Variants in HPS4 observed in about 807,000 individuals in gnomAD.
The protein encoded by HPS4 is HPS4 biogenesis of lysosomal organelles complex 3 subunit 2.
Under a neutral mutation model 70.3 loss-of-function variants are expected in HPS4, and 44 were observed. The ratio of observed to expected loss-of-function variants is 0.63; its 90% CI spans 0.49 to 0.80. HPS4 has a LOEUF of 0.80. Among genes scored for constraint, HPS4 ranks in the 30% least tolerant of loss-of-function variants. The pLI, the probability that HPS4 is intolerant of heterozygous loss-of-function variation, is 0.00. For synonymous variants in HPS4, 377 were observed against 355.9 expected, an observed-to-expected ratio of 1.06 and a Z score of -0.67; for missense variants, 873 against 884.4, an observed-to-expected ratio of 0.99 and a Z score of 0.16.
At chr22:26,457,740 G>A in intron 13 of HPS4, 119 bp downstream of exon 13, 2 of 761,368 alleles carry the variant, frequency 2.6e-6, no homozygotes, top group Non-Finnish European at 2.3e-6. Context: ...AAGGCCTTAA[G>A]GAGAGTAACT....
chr22:26,477,250 A>G, intron 3 of HPS4, 114 bp from the exon 4 acceptor site: 7 of 1,055,800 alleles, frequency 6.6e-6, no homozygotes, highest in South Asian at 5.2e-5. Context: ...CCGTTTTCCT[A>G]TGGCCTGTAA....
At chr22:26,462,048 C>A (rs891823671) in intron 11 of HPS4, among the ~76,000 whole-genome samples, 1 of 151,606 alleles carries the variant, frequency 6.6e-6, no homozygotes, top group African/African-American at 2.4e-5. Context: ...ACCGCTTGAA[C>A]CGGGGAGGCG....
At chr22:26,479,720 T>G in intron 2 of HPS4, 1 of 1,070,094 alleles carries the variant, frequency 9.3e-7, no homozygotes, top group Non-Finnish European at 1.1e-6. Flanking sequence ...CAAAATAAGT[T>G]AGGGATGTAT....
chr22:26,464,605 T>C lies in HPS4; in HGVS notation c.1025A>G (p.His342Arg). The change falls in exon 11 of 14, where the codon CAC (histidine) becomes CGC (arginine). Residue 342 changes from histidine to arginine, a missense_variant. Transcript: ENST00000398145. Reference sequence around the variant, plus strand: ...AAGAACCTCACCCCTGGCAGAGTTGTGCAGTCCTGCGGGCCTGATGCTCTC... The same window carrying C: ...AAGAACCTCACCCCTGGCAGAGTTGCGCAGTCCTGCGGGCCTGATGCTCTC... ...DLESIRPAGL[H>R]NSARGEVLGL... The C allele has an allele frequency of 3.1e-6, 5 of 1,614,212 alleles. No individual in the cohort carries two copies. The highest frequency in any genetic ancestry group is 4.2e-6 in the Non-Finnish European group (5 of 1,180,038).
In HPS4 at chr22:26,452,452, G is replaced by C. The variant is rs1329956666; in HGVS notation, c.*781C>G. The C allele has an allele frequency of 2.3e-6, 1 of 442,826 alleles. No homozygotes were observed. Among genetic ancestry groups the C allele is most frequent in the Non-Finnish European group, 4.5e-6 (1 of 221,308 alleles). 27.4% of individuals were successfully genotyped at this position (442,826 alleles called of 1,614,324 possible). On this transcript the variant is annotated 3_prime_UTR_variant, in exon 14 of 14. Transcript: ENST00000398145. ...CAGACATCTTGTAAACTCCTATTTA[G>C]GGACACTCGCTCGAGAGGAACCAGC...
At chr22:26,445,034 C>T (rs1310120038) in intron 3 of HPS4, 1 of 152,176 alleles carries the variant, frequency 6.6e-6, no homozygotes, top group Admixed American at 6.6e-5. Flanking sequence ...GTGAGGTCAT[C>T]TGTTGTAAAG....
chr22:26,464,406 G>A lies in HPS4; in HGVS notation c.1224C>T (p.Ala408=), dbSNP rs1460837594. Residue 408 remains alanine (A), a synonymous_variant, in exon 11 of 14, where the codon GCC becomes GCT. Transcript: ENST00000398145. ...GAGGCGTGGGTTCCAGGCTGCTGGA[G>A]GCGCTGAGAGATGCCTTGCAGTAAG... The part of the protein sequence containing the change: ...RAPYCKASLS[A]SSSLEPTPPE... 6.2e-7 allele frequency: 1 copy of A among 1,614,230 alleles called. No individual in the cohort carries two copies. Among genetic ancestry groups the A allele is most frequent in the Admixed American group, 1.7e-5 (1 of 60,036 alleles).
chr22:26,447,594 G>A (rs2084997113), downstream of HPS4, among the ~76,000 whole-genome samples: 1 of 152,136 alleles, frequency 6.6e-6, no homozygotes, highest in Non-Finnish European at 1.5e-5. Context: ...AGCACAGAAT[G>A]AGGTTTTTGA....
intron 13 of HPS4, among the ~76,000 whole-genome samples, chr22:26,455,964 C>T (rs939247550): frequency 6.6e-6 from 1 of 152,172 alleles, no homozygotes; most frequent in Non-Finnish European, 1.5e-5. Context: ...AGCCAGTTCC[C>T]AAACCAGTGA....
intron 7 of HPS4, 24 bp downstream of exon 7, chr22:26,470,695 A>C: frequency 6.2e-7 from 1 of 1,609,850 alleles, no homozygotes; most frequent in Non-Finnish European, 8.5e-7. Context: ...TGGGGCTGGA[A>C]GAAAGGGGTC....
rs536866354 is a variant in HPS4 at position 26,452,705 on chromosome 22, G to C, written c.*528C>G. 8.0e-6 allele frequency: 2 copies of C among 249,348 alleles called. No individual in the cohort carries two copies. The highest frequency in any genetic ancestry group is 2.3e-5 in the African/African-American group (1 of 44,108). The allele number at this position is 249,348 out of a possible 1,614,324, so 15.4% of individuals were successfully genotyped here. ...TCCGTGTGCTGCCGCTTCCCTGCAG[G>C]AACGATCCGGACCTCCCAGCAAGAG... On this transcript the variant is annotated 3_prime_UTR_variant, in exon 14 of 14. Transcript: ENST00000398145.
intron 6 of HPS4, chr22:26,471,320 T>A: frequency 2.2e-6 from 1 of 455,122 alleles, no homozygotes; most frequent in Non-Finnish European, 4.4e-6. Flanking sequence ...GAAAACATCA[T>A]GCTCTTTCAC....
intron 9 of HPS4, 191 bp from the exon 10 acceptor site, chr22:26,465,742 C>A: frequency 1.6e-6 from 1 of 608,182 alleles, no homozygotes; most frequent in South Asian, 2.0e-5. Context: ...GGAAAGAGTC[C>A]CTGCAGGCAA....
chr22:26,472,532 A>G (rs2089977500), intron 5 of HPS4, 114 bp from the exon 6 acceptor site: 1 of 822,254 alleles, frequency 1.2e-6, no homozygotes, highest in Non-Finnish European at 2.2e-6. Flanking sequence ...ACCGGAAGGG[A>G]GGACCTGTTT....
In HPS4 at chr22:26,452,036, ACACACACT is replaced by A. The variant is rs1330064774; in HGVS notation, c.*1189_*1196del. The A allele has an allele frequency of 2.4e-3, 779 of 318,322 alleles. 9 individuals carry two copies. The highest frequency in any genetic ancestry group is 0.017 in the African/African-American group (733 of 44,126). The allele number at this position is 318,322 out of a possible 1,614,324, so 19.7% of individuals were successfully genotyped here. A position where few individuals can be genotyped will look rare whatever the true frequency, so the allele number is the denominator to read the frequency against. On this transcript the variant is annotated 3_prime_UTR_variant, in exon 14 of 14. Transcript: ENST00000398145. Reference sequence around the variant, plus strand: ...CACACACACACACACACACACACACACACACACTGTCTTAACCCTTACCTTTGTCACAA... The same window carrying A: ...CACACACACACACACACACACACACAGTCTTAACCCTTACCTTTGTCACAA...
At chr22:26,457,738 A>T in intron 13 of HPS4, 121 bp downstream of exon 13, 1 of 756,066 alleles carries the variant, frequency 1.3e-6, no homozygotes, top group Non-Finnish European at 2.3e-6. Flanking sequence ...GGAAGGCCTT[A>T]AGGAGAGTAA....
Position 26,465,547 on chromosome 22 carries a change from C to T in HPS4, c.711G>A (p.Ala237=), listed in dbSNP as rs1416025424. 5 of 1,613,638 alleles carry T rather than the reference C, an allele frequency of 3.1e-6. No individual in the cohort carries two copies. Among genetic ancestry groups the T allele is most frequent in the South Asian group, 1.1e-5 (1 of 91,076 alleles). Residue 237 remains alanine, a synonymous_variant, in exon 10 of 14, where the codon GCG becomes GCA. Transcript: ENST00000398145. ...TAATCTGGACATTCGGGGGCAATGC[C>T]GCTCCTGGAATTGCAAAGCAATATG... ...TGEDAPQEHG[A]ALPPNVQIIP...
intron 1 of HPS4, among the ~76,000 whole-genome samples, chr22:26,482,561 CA>C (rs1209003828): frequency 6.6e-6 from 1 of 152,078 alleles, no homozygotes. Context: ...CTTGACAGTC[CA>C]AAAGTAACCT....
chr22:26,464,846 T>C lies in HPS4; in HGVS notation c.804-20A>G. ...AGAGACCTGGCAAACAAGAGAGATG[T>C]AAGGAAGGGGCACGTTGACAGACTG... is the stretch of plus-strand genomic sequence containing the variant. On this transcript the variant is annotated intron_variant, in intron 10 of 13. Transcript: ENST00000398145. 2 of 1,583,244 alleles carry C rather than the reference T, an allele frequency of 1.3e-6. No homozygotes were observed. Among genetic ancestry groups the C allele is most frequent in the Non-Finnish European group, 1.7e-6 (2 of 1,168,634 alleles).
Sources: allele counts gnomAD v4.1 joint callset (sites outside exome capture counted in the v4.1 genomes callset), GRCh38; gene constraint gnomAD v4.1.1; transcripts MANE v1.5; gene names NCBI Gene and HGNC (gene_info 2026-07-23, HGNC 2026-07-21).